GALNT13: variants seen among roughly 807,000 people sequenced by gnomAD.
GALNT13 encodes UDP-GalNAc:polypeptide N-acetylgalactosaminyltransferase 13.
In GALNT13, 28 loss-of-function variants were observed where a neutral mutation model predicts 64.2. The observed-to-expected ratio is 0.44, with a 90% CI of 0.32 to 0.60. The LOEUF is 0.60. Among genes scored for constraint, GALNT13 ranks in the 20% least tolerant of loss-of-function variants. The pLI is 0.05. For synonymous variants in GALNT13, 214 were observed against 224.6 expected (o/e 0.95, Z 0.42); for missense variants, 577 against 669.8 (o/e 0.86, Z 1.53).
intron 4 of GALNT13, among the ~76,000 whole-genome samples, chr2:154,237,546 A>T (rs1689259783): frequency 6.8e-6 from 1 of 147,112 alleles, no homozygotes; most frequent in African/African-American, 2.5e-5. Context: ...ATGTAATATT[A>T]TATATAACAT....
the GALNT13 span, among the ~76,000 whole-genome samples, chr2:153,853,252 G>GGGT: frequency 4.6e-5 from 7 of 151,984 alleles, no homozygotes; most frequent in Non-Finnish European, 8.8e-5. Flanking sequence ...CCCAGATTGG[G>GGGT]GGTGGGTCTG....
chr2:154,156,149 A>G (rs1430044797), intron 4 of GALNT13, among the ~76,000 whole-genome samples: 2 of 152,030 alleles, frequency 1.3e-5, no homozygotes, highest in Non-Finnish European at 2.9e-5. Flanking sequence ...TTGACCAGAT[A>G]GTTAATTTTC....
chr2:153,270,319 T>G, the GALNT13 span, among the ~76,000 whole-genome samples: 5 of 152,202 alleles, frequency 3.3e-5, no homozygotes, highest in Admixed American at 3.3e-4. Flanking sequence ...AGCAGTCTAA[T>G]GCTAGACACT....
the GALNT13 span, among the ~76,000 whole-genome samples, chr2:153,069,451 A>G: frequency 2.0e-5 from 3 of 152,206 alleles, no homozygotes; most frequent in East Asian, 3.9e-4. Context: ...ACACAAGAGC[A>G]AACCTTTTAA....
chr2:154,330,991 T>C (rs904930683), intron 9 of GALNT13, among the ~76,000 whole-genome samples: 2 of 152,074 alleles, frequency 1.3e-5, no homozygotes, highest in South Asian at 2.1e-4. Flanking sequence ...ACAAAAGATA[T>C]AGGAGTAAAC....
At chr2:153,237,785 A>G in the GALNT13 span, among the ~76,000 whole-genome samples, 1 of 152,098 alleles carries the variant, frequency 6.6e-6, no homozygotes, top group Non-Finnish European at 1.5e-5. Context: ...TAGTGCTGCA[A>G]CAAACATGGG....
intron 8 of GALNT13, among the ~76,000 whole-genome samples, chr2:154,270,564 A>G (rs1232574767): frequency 2.0e-5 from 3 of 151,956 alleles, no homozygotes; most frequent in African/African-American, 4.8e-5. Flanking sequence ...AGCAACCGAG[A>G]GGAAAGATGA....
At chr2:153,358,301 A>G in the GALNT13 span, among the ~76,000 whole-genome samples, 1 of 152,224 alleles carries the variant, frequency 6.6e-6, no homozygotes, top group East Asian at 1.9e-4. Flanking sequence ...ACCTGGATGT[A>G]ATAGCAACAT....
chr2:154,245,776 T>C lies in GALNT13; in HGVS notation c.687-36T>C, dbSNP rs771128384. ...AGAAGATAATGTAACATTTTAATTA[T>C]CATGTGTCTATAAATTGGTTTTAAT... On this transcript the variant is annotated intron_variant, in intron 6 of 12. Coordinates refer to ENST00000392825, the MANE Select transcript of GALNT13 (RefSeq NM_052917.4). 8 of 1,370,774 alleles carry C rather than the reference T, an allele frequency of 5.8e-6. No homozygotes were observed. The Middle Eastern group carries it at 5.9e-4, about 101-fold the overall frequency. The allele number at this position is 1,370,774 out of a possible 1,614,324, so 84.9% of individuals were successfully genotyped here.
At position 153,921,961 on chromosome 2, in the gene GALNT13, AATAC is replaced by A. The variant is rs1299516517; in HGVS notation, c.-105+20957_-105+20960del. Reference sequence around the variant, plus strand: ...GATAAACATAATTTAAATACGTTAAAATACATCTATAATTTTAAAAATATGAGGA... The same window carrying A: ...GATAAACATAATTTAAATACGTTAAAATCTATAATTTTAAAAATATGAGGA... On this transcript the variant is annotated intron_variant, in intron 2 of 12. Transcript: ENST00000392825. Among the ~76,000 whole-genome samples the A allele has an allele frequency of 2.0e-5, 3 of 152,312 alleles. No individual in the cohort carries two copies. In the East Asian group the frequency reaches 5.8e-4, roughly 29 times the overall value.
At chr2:153,826,607 AAGAC>A in the GALNT13 span, among the ~76,000 whole-genome samples, 1 of 152,236 alleles carries the variant, frequency 6.6e-6, no homozygotes, top group Non-Finnish European at 1.5e-5. Context: ...AACCCAAAGA[AAGAC>A]AGAAAACTGT....
the GALNT13 span, among the ~76,000 whole-genome samples, chr2:153,297,830 G>C: frequency 1.1e-4 from 17 of 152,304 alleles, 1 homozygote; most frequent in African/African-American, 4.1e-4. Context: ...AGCAAGAGCA[G>C]GTCTCTCTGA....
At chr2:154,340,046 T>A (rs1269707989) in intron 9 of GALNT13, among the ~76,000 whole-genome samples, 1 of 152,150 alleles carries the variant, frequency 6.6e-6, no homozygotes, top group East Asian at 1.9e-4. Flanking sequence ...GTCTTCAAAA[T>A]GGTAGAATGG....
At chr2:153,684,648 A>G in the GALNT13 span, among the ~76,000 whole-genome samples, 1 of 150,966 alleles carries the variant, frequency 6.6e-6, no homozygotes, top group Non-Finnish European at 1.5e-5. Context: ...TGTTTTTTAA[A>G]TTTTTTTTAA....
the GALNT13 span, among the ~76,000 whole-genome samples, chr2:153,525,465 C>G: frequency 6.6e-5 from 10 of 152,180 alleles, no homozygotes; most frequent in Admixed American, 5.2e-4. Flanking sequence ...AGGACCTGTA[C>G]TAGAACCAGG....
At chr2:153,593,394 C>T in the GALNT13 span, 146 of 152,376 alleles carry the variant, frequency 9.6e-4, no homozygotes, top group African/African-American at 3.2e-3. Flanking sequence ...CTGGGAATCT[C>T]ACCCCCATCC....
the GALNT13 span, among the ~76,000 whole-genome samples, chr2:153,732,130 A>G: frequency 0.015 from 2,266 of 152,110 alleles, 54 homozygotes; most frequent in African/African-American, 0.052. Flanking sequence ...TTTCTGGACT[A>G]AAACTATCAT....
At chr2:153,182,717 G>T in the GALNT13 span, among the ~76,000 whole-genome samples, 1 of 152,132 alleles carries the variant, frequency 6.6e-6, no homozygotes, top group Non-Finnish European at 1.5e-5. Flanking sequence ...GAGGTGTTTG[G>T]TTTTTTGTTC....
intron 10 of GALNT13, among the ~76,000 whole-genome samples, chr2:154,406,125 A>G (rs1443145799): frequency 6.6e-6 from 1 of 152,094 alleles, no homozygotes; most frequent in Non-Finnish European, 1.5e-5. Context: ...GCATTTGCCC[A>G]CTCGTTCAGG....
Sources: allele counts gnomAD v4.1 joint callset (sites outside exome capture counted in the v4.1 genomes callset), GRCh38; gene constraint gnomAD v4.1.1; transcripts MANE v1.5; gene names NCBI Gene and HGNC (gene_info 2026-07-23, HGNC 2026-07-21).